The following CTNND2 variants were observed in gnomAD, a reference collection of about 807,000 sequenced individuals.
CTNND2 encodes catenin delta-2.
Under a neutral mutation model 144.4 loss-of-function variants are expected in CTNND2, and 22 were observed. The ratio of observed to expected loss-of-function variants is 0.15; its 90% CI spans 0.11 to 0.22. CTNND2 has a LOEUF of 0.22. Among genes scored for constraint, CTNND2 ranks in the 10% least tolerant of loss-of-function variants. The pLI, the probability that CTNND2 is intolerant of heterozygous loss-of-function variation, is 1.00. For missense variants in CTNND2, 1,353 were observed against 1,618.8 expected (o/e 0.84, Z 2.82); for synonymous variants, 751 against 695.6 (o/e 1.08, Z -1.25).
At chr5:11,387,983 T>A (rs1360154937) in intron 6 of CTNND2, among the ~76,000 whole-genome samples, 1 of 152,206 alleles carries the variant, frequency 6.6e-6, no homozygotes, top group Non-Finnish European at 1.5e-5. Flanking sequence ...CTGTCTCCTA[T>A]GTTTTCTTAA....
chr5:11,196,427 C>G (rs1287986543), intron 11 of CTNND2, among the ~76,000 whole-genome samples: 1 of 152,146 alleles, frequency 6.6e-6, no homozygotes, highest in African/African-American at 2.4e-5. Context: ...GAAAAAACTC[C>G]CCTGTACTGG....
intron 1 of CTNND2, among the ~76,000 whole-genome samples, chr5:11,853,279 G>T (rs186987619): frequency 3.3e-5 from 5 of 152,180 alleles, no homozygotes; most frequent in African/African-American, 1.2e-4. Flanking sequence ...TGCAGGCACA[G>T]CCAAGCTCTT....
Position 11,324,950 on chromosome 5 carries a change from CTT to C in CTNND2, c.1628+21420_1628+21421del, listed in dbSNP as rs11381791. ...CCAGCTTTCAACTTAATGCATTATC[CTT>C]TTTTTTTTTTTGTCTAAAGAGTGAA... On this transcript the variant is annotated intron_variant, in intron 9 of 21. Transcript: ENST00000304623. 7.7e-3 allele frequency among the ~76,000 whole-genome samples: 1,131 copies of C among 146,620 alleles called. 7 individuals are homozygous for C. Among genetic ancestry groups the C allele is most frequent in the South Asian group, 0.04 (186 of 4,624 alleles).
chr5:11,847,774 TA>T (rs200569908), intron 1 of CTNND2, among the ~76,000 whole-genome samples: 1,911 of 152,176 alleles, frequency 0.013, 39 homozygotes, highest in African/African-American at 0.043. Context: ...TTATAAATTT[TA>T]AAAAACTAAA....
rs572866567 is a variant in CTNND2, at chr5:11,458,412, C to T, written c.288-46343G>A. ...TGCCATGAGAAAACTAGGAACATGG[C>T]AATCCTGGAAAACAGAAGCAGGAAT... is the stretch of plus-strand genomic sequence containing the variant. On this transcript the variant is annotated intron_variant, in intron 3 of 21. Transcript: ENST00000304623. Among the ~76,000 whole-genome samples the T allele has an allele frequency of 3.8e-3, 579 of 152,250 alleles. 4 individuals are homozygous for T. The highest frequency in any genetic ancestry group is 0.012 in the African/African-American group (496 of 41,556).
At chr5:11,428,287 TC>T (rs2149868262) in intron 3 of CTNND2, among the ~76,000 whole-genome samples, 1 of 152,306 alleles carries the variant, frequency 6.6e-6, no homozygotes, top group African/African-American at 2.4e-5. Flanking sequence ...CCATCAGCAA[TC>T]CCTGGTTCAA....
chr5:11,385,151 C>T lies in CTNND2; in HGVS notation c.691G>A (p.Ala231Thr). The change falls in exon 7 of 22, where the codon GCG becomes ACG. Residue 231 changes from alanine (A) to threonine (T), a missense_variant. Ala to Thr is a moderately conservative substitution (Grantham distance 58). This residue lies in a region of CTNND2 where 708 missense variants were observed against 706.4 expected (regional missense o/e 1.00). Coordinates refer to ENST00000304623, the MANE Select transcript of CTNND2 (RefSeq NM_001332.4). Reference sequence around the variant, plus strand: ...TGGAAGGCGCTGCCCAGGCTGGGCGCGAACGGCTCCCGCGGCGGCGGCGGC... The same window carrying T: ...TGGAAGGCGCTGCCCAGGCTGGGCGTGAACGGCTCCCGCGGCGGCGGCGGC... ...PPPPPPREPF[A>T]PSLGSAFHLP... 1 of 1,005,636 alleles carries T rather than the reference C, an allele frequency of 9.9e-7. No homozygotes were observed. Among genetic ancestry groups the T allele is most frequent in the Non-Finnish European group, 1.2e-6 (1 of 845,938 alleles). 62.3% of individuals were successfully genotyped at this position (1,005,636 alleles called of 1,614,324 possible).
intron 1 of CTNND2, among the ~76,000 whole-genome samples, chr5:11,872,330 G>A (rs771819100): frequency 5.9e-5 from 9 of 152,092 alleles, no homozygotes; most frequent in Admixed American, 2.0e-4. Context: ...TGTGAATAGC[G>A]CTGCAATAAA....
chr5:11,851,857 A>G (rs556452889), intron 1 of CTNND2, among the ~76,000 whole-genome samples: 13 of 152,346 alleles, frequency 8.5e-5, no homozygotes, highest in Admixed American at 5.9e-4. Context: ...TATTTTAATC[A>G]GCAGTTAGGG....
At chr5:11,581,694 C>T (rs567727266) in intron 2 of CTNND2, among the ~76,000 whole-genome samples, 5 of 152,266 alleles carry the variant, frequency 3.3e-5, no homozygotes, top group Admixed American at 6.5e-5. Context: ...GGTTGACCCC[C>T]AACTCCAGTA....
chr5:11,310,348 T>C (rs1229672577), intron 9 of CTNND2, among the ~76,000 whole-genome samples: 1 of 152,020 alleles, frequency 6.6e-6, no homozygotes, highest in African/African-American at 2.4e-5. Context: ...CCATATCCTA[T>C]TTGACACAAT....
At chr5:11,231,261 A>G (rs1372697579) in intron 10 of CTNND2, among the ~76,000 whole-genome samples, 1 of 152,196 alleles carries the variant, frequency 6.6e-6, no homozygotes, top group Non-Finnish European at 1.5e-5. Context: ...GATTGGTACC[A>G]GGAGTGGGCT....
intron 1 of CTNND2, among the ~76,000 whole-genome samples, chr5:11,867,872 G>C (rs73743298): frequency 6.6e-6 from 1 of 151,094 alleles, no homozygotes; most frequent in Admixed American, 6.6e-5. Context: ...ATGAAAAACA[G>C]AAACAGTGTA....
rs1333480342 is a variant in CTNND2 at position 11,129,459 on chromosome 5, C to T, written c.2160-11892G>A. On this transcript the variant is annotated intron_variant, in intron 12 of 21. Coordinates refer to ENST00000304623, the MANE Select transcript of CTNND2 (RefSeq NM_001332.4). ...ACTCAGGGCATGCCAAGGCCCTCTG[C>T]ATGAGCAACACTGATGTGATGTTGG... 5.0e-4 allele frequency among the ~76,000 whole-genome samples: 73 copies of T among 146,132 alleles called. 1 individual carries two copies. The Admixed American group carries it at 5.5e-3, about 11-fold the overall frequency.
At chr5:11,886,904 T>C (rs186341454) in intron 1 of CTNND2, among the ~76,000 whole-genome samples, 1 of 151,830 alleles carries the variant, frequency 6.6e-6, no homozygotes, top group African/African-American at 2.4e-5. Context: ...ACCTGAGCAA[T>C]TTTACAAATT....
chr5:11,871,263 G>A (rs956696547), intron 1 of CTNND2, among the ~76,000 whole-genome samples: 5 of 152,116 alleles, frequency 3.3e-5, no homozygotes, highest in East Asian at 1.9e-4. Context: ...TTAAGACAGC[G>A]TTCCTCTAAG....
At chr5:11,118,375 A>G (rs1377259363) in intron 12 of CTNND2, among the ~76,000 whole-genome samples, 1 of 152,234 alleles carries the variant, frequency 6.6e-6, no homozygotes, top group African/African-American at 2.4e-5. Flanking sequence ...TGTAAAAGGG[A>G]GGCTGCAGGA....
At chr5:11,582,584 C>T (rs1270581688) in intron 2 of CTNND2, among the ~76,000 whole-genome samples, 4 of 152,148 alleles carry the variant, frequency 2.6e-5, no homozygotes, top group Non-Finnish European at 4.4e-5. Flanking sequence ...ACTTAAATTC[C>T]GTCAGCATTC....
intron 1 of CTNND2, among the ~76,000 whole-genome samples, chr5:11,770,414 A>AGG (rs1789854345): frequency 2.4e-4 from 2 of 8,166 alleles, no homozygotes; most frequent in South Asian, 0.25. Flanking sequence ...AAAAAAAGGA[A>AGG]AGAAGGAAGG....
Sources: gnomAD v4.1 joint callset for allele counts (sites outside exome capture counted in the v4.1 genomes callset) on GRCh38, gnomAD v4.1.1 for gene constraint, gnomAD v4.1.1 regional missense constraint, MANE v1.5 for transcripts, NCBI Gene and HGNC (gene_info 2026-07-23, HGNC 2026-07-21) for gene names.